The following ZHX3 variants were observed in gnomAD, a reference collection of about 807,000 sequenced individuals.
ZHX3 encodes the protein zinc fingers and homeoboxes 3.
Under a neutral mutation model 64.5 loss-of-function variants are expected in ZHX3, and 20 were observed. That is an observed-to-expected ratio of 0.31 (90% CI 0.22 to 0.45). The LOEUF is 0.45. ZHX3 is among the 20% of genes least tolerant of loss of function. The pLI is 1.00. For synonymous variants in ZHX3, 423 were observed against 461.6 expected (o/e 0.92, Z 1.07); for missense variants, 1,041 against 1,195.8 (o/e 0.87, Z 1.91).
At chr20:41,258,748 C>G (rs1395300060) in intron 2 of ZHX3, among the ~76,000 whole-genome samples, 1 of 152,148 alleles carries the variant, frequency 6.6e-6, no homozygotes, top group East Asian at 1.9e-4. Flanking sequence ...GTGGTTTCTG[C>G]TGGGTTTTTC....
At chr20:41,248,554 T>TAA (rs1176581935) in intron 2 of ZHX3, among the ~76,000 whole-genome samples, 4 of 152,334 alleles carry the variant, frequency 2.6e-5, no homozygotes, top group African/African-American at 9.6e-5. Context: ...TTTAAAATGT[T>TAA]AAAATGTTGG....
Position 41,204,837 on chromosome 20 carries a change from G to T in ZHX3, c.80C>A (p.Ala27Asp). Residue 27 changes from alanine to aspartate, a missense_variant, in exon 3 of 4, where the codon GCC becomes GAC. Around this residue, in one of 4 missense-constraint regions of ZHX3, gnomAD observed 358 missense variants for 369.1 expected, o/e 0.97. Coordinates refer to ENST00000683867, the MANE Select transcript of ZHX3 (RefSeq NM_001384317.1). This position sits in a 1 kb window ranked among gnomAD's most constrained non-coding sequence, Gnocchi z 6.6. The stretch of plus-strand genomic sequence containing the variant: ...TTCAGGCAAGGTCTCAGCGGGCTGG[G>T]CCTCCATGCTGGCATCTTGCAACAC... ...TVVLQDASME[A>D]QPAETLPEGP... The T allele has an allele frequency of 6.2e-7, 1 of 1,601,808 alleles. No individual in the cohort carries two copies. Among genetic ancestry groups the T allele is most frequent in the Non-Finnish European group, 8.5e-7 (1 of 1,173,396 alleles).
chr20:41,299,659 C>T (rs1225252704), intron 1 of ZHX3, among the ~76,000 whole-genome samples: 4 of 151,942 alleles, frequency 2.6e-5, no homozygotes, highest in Admixed American at 1.3e-4. Context: ...GTCATGAGTT[C>T]GAGACCAGCT....
chr20:41,313,461 C>A (rs927451083), intron 1 of ZHX3, among the ~76,000 whole-genome samples: 1 of 151,994 alleles, frequency 6.6e-6, no homozygotes, highest in Non-Finnish European at 1.5e-5. Context: ...AAGAAATAAT[C>A]AAAAATCACG....
intron 1 of ZHX3, among the ~76,000 whole-genome samples, chr20:41,271,145 T>C (rs1272771387): frequency 6.6e-6 from 1 of 152,160 alleles, no homozygotes; most frequent in Non-Finnish European, 1.5e-5. Flanking sequence ...CTCAGCCTCC[T>C]GAGTAGCTGG....
chr20:41,294,574 G>T (rs2044411982), intron 1 of ZHX3, among the ~76,000 whole-genome samples: 1 of 151,978 alleles, frequency 6.6e-6, no homozygotes, highest in Non-Finnish European at 1.5e-5. Flanking sequence ...TGTTGGCCAG[G>T]CTAGTCTCGA....
At chr20:41,255,656 A>G (rs1318458567) in intron 2 of ZHX3, among the ~76,000 whole-genome samples, 1 of 152,224 alleles carries the variant, frequency 6.6e-6, no homozygotes, top group African/African-American at 2.4e-5. Context: ...AATACGTCCC[A>G]GAGCCTCTAG....
chr20:41,229,451 A>G (rs538757595), intron 2 of ZHX3, among the ~76,000 whole-genome samples: 2 of 152,204 alleles, frequency 1.3e-5, no homozygotes, highest in South Asian at 4.2e-4. Context: ...TGGTGATTCT[A>G]TTTTTAATTT....
chr20:41,209,592 G>A (rs940642310), intron 2 of ZHX3, among the ~76,000 whole-genome samples: 3 of 152,140 alleles, frequency 2.0e-5, no homozygotes, highest in African/African-American at 4.8e-5. Flanking sequence ...CAAGAAATGG[G>A]GAAAGGATTC....
chr20:41,194,181 A>G (rs1416978923), intron 3 of ZHX3, among the ~76,000 whole-genome samples: 1 of 152,098 alleles, frequency 6.6e-6, no homozygotes, highest in Non-Finnish European at 1.5e-5. Context: ...CTCAGGGGAA[A>G]AGTTTTCGGT....
rs1555819901 is a variant in ZHX3, at chr20:41,180,011, C to T, written c.*5180G>A. 1 of 152,666 alleles carries T rather than the reference C, an allele frequency of 6.6e-6. No individual in the cohort carries two copies. Among genetic ancestry groups the T allele is most frequent in the Non-Finnish European group, 1.5e-5 (1 of 68,048 alleles). The allele number at this position is 152,666 out of a possible 1,614,324, so 9.5% of individuals were successfully genotyped here. ...TTAACCAAGAAAAACTATTCATTAA[C>T]ACATACAGGTGCTCATGTGTGTGTG... On this transcript the variant is annotated 3_prime_UTR_variant, in exon 4 of 4. Transcript: ENST00000683867.
At chr20:41,196,702 C>G (rs1268774022) in intron 3 of ZHX3, 1 of 180,914 alleles carries the variant, frequency 5.5e-6, no homozygotes, top group Non-Finnish European at 1.2e-5. Flanking sequence ...AAGAAGGAAG[C>G]TCTTGACTCT....
intron 1 of ZHX3, among the ~76,000 whole-genome samples, chr20:41,283,035 A>C (rs2043769496): frequency 6.6e-6 from 1 of 152,024 alleles, no homozygotes; most frequent in Non-Finnish European, 1.5e-5. Context: ...CAGCCTCCCA[A>C]GTAGCTGACA....
intron 2 of ZHX3, among the ~76,000 whole-genome samples, chr20:41,235,618 A>T (rs1267788930): frequency 1.3e-5 from 2 of 152,252 alleles, no homozygotes; most frequent in African/African-American, 4.8e-5. Context: ...GATGGGACGT[A>T]TCTCAAAATA....
In ZHX3 at chr20:41,202,928, T is replaced by C; in HGVS notation, c.1989A>G (p.Arg663=). 6.2e-7 allele frequency: 1 copy of C among 1,614,094 alleles called. No homozygotes were observed. The highest frequency in any genetic ancestry group is 8.5e-7 in the Non-Finnish European group (1 of 1,180,006). ...TCTCCTCAGCATTCACTTTTTTCCG[T>C]CTCTCTGAAAACCAGCTATCAATTT... ...RREIDSWFSE[R]RKKVNAEETK... is the part of the protein sequence containing the mutation. Residue 663 remains arginine (R), a synonymous_variant, in exon 3 of 4, where the codon AGA becomes AGG. Coordinates refer to ENST00000683867, the MANE Select transcript of ZHX3 (RefSeq NM_001384317.1). The surrounding 1 kb of genome is among the most constrained non-coding windows in gnomAD (Gnocchi z 7.0).
chr20:41,184,914 C>A lies in ZHX3; in HGVS notation c.*277G>T, dbSNP rs1340804526. 6.5e-7 allele frequency: 1 copy of A among 1,535,918 alleles called. No homozygotes were observed. The highest frequency in any genetic ancestry group is 8.7e-7 in the Non-Finnish European group (1 of 1,144,932). ...CTGTGTCTATGAATATGACTATGAACTCTGAACTATTTTATCCATTGGAAG... is the reference window on the plus strand; with the variant it reads ...CTGTGTCTATGAATATGACTATGAAATCTGAACTATTTTATCCATTGGAAG... On this transcript the variant is annotated 3_prime_UTR_variant, in exon 4 of 4. Coordinates refer to ENST00000683867, the MANE Select transcript of ZHX3 (RefSeq NM_001384317.1).
At chr20:41,287,989 T>C (rs2044023244) in intron 1 of ZHX3, among the ~76,000 whole-genome samples, 1 of 152,212 alleles carries the variant, frequency 6.6e-6, no homozygotes, top group African/African-American at 2.4e-5. Flanking sequence ...TAACCAGCCC[T>C]TTAAAATCAA....
In ZHX3 at chr20:41,235,715, C is replaced by T. The variant is rs572394380; in HGVS notation, c.-150-30649G>A. Among the ~76,000 whole-genome samples, 3 of 152,294 alleles carry T rather than the reference C, an allele frequency of 2.0e-5. No individual in the cohort carries two copies. In the East Asian group the frequency reaches 5.8e-4, roughly 29 times the overall value. On this transcript the variant is annotated intron_variant, in intron 2 of 3. Transcript: ENST00000683867. ...ATTCCCTTTGAAAACTGGCACAAGA[C>T]AGGAATGCCCTCTCTCACCACTCCT...
At chr20:41,271,027 G>GT (rs2043121027) in intron 1 of ZHX3, among the ~76,000 whole-genome samples, 2 of 152,082 alleles carry the variant, frequency 1.3e-5, no homozygotes, top group Admixed American at 1.3e-4. Flanking sequence ...AAGTATTTTT[G>GT]TTTTTTGTTT....
Sources: allele counts gnomAD v4.1 joint callset (sites outside exome capture counted in the v4.1 genomes callset), GRCh38; gene constraint gnomAD v4.1.1; regional missense constraint gnomAD v4.1.1; non-coding constraint Gnocchi (gnomAD v3.1); transcripts MANE v1.5; gene names NCBI Gene and HGNC (gene_info 2026-07-23, HGNC 2026-07-21).